Variants in NRXN3 observed in about 807,000 individuals in gnomAD.
NRXN3 encodes neurexin III.
NRXN3 carries 32 observed loss-of-function variants against 137.6 expected under a neutral mutation model. That is an observed-to-expected ratio of 0.23 (90% CI 0.18 to 0.31). NRXN3 has a LOEUF of 0.31. NRXN3 is among the 10% of genes least tolerant of loss of function. The pLI is 1.00. For missense variants in NRXN3, 1,574 were observed against 2,062.5 expected (o/e 0.76, Z 4.59); for synonymous variants, 798 against 784.5 (o/e 1.02, Z -0.29).
chr14:78,460,412 C>A (rs966199916), intron 4 of NRXN3, among the ~76,000 whole-genome samples: 1 of 152,194 alleles, frequency 6.6e-6, no homozygotes, highest in Non-Finnish European at 1.5e-5. Context: ...GTTTTTCTGG[C>A]CCCCATCTAG....
chr14:79,302,117 A>T (rs927659625), intron 15 of NRXN3, among the ~76,000 whole-genome samples: 1 of 151,996 alleles, frequency 6.6e-6, no homozygotes, highest in Non-Finnish European at 1.5e-5. Context: ...AACACCTCAC[A>T]TCCTGTGGGT....
At chr14:79,459,259 G>A (rs2096295311) in intron 15 of NRXN3, among the ~76,000 whole-genome samples, 1 of 152,056 alleles carries the variant, frequency 6.6e-6, no homozygotes, top group African/African-American at 2.4e-5. Flanking sequence ...AGATATTAAA[G>A]TCATAACCCT....
At chr14:78,275,575 A>T (rs1010976302) in intron 2 of NRXN3, among the ~76,000 whole-genome samples, 2 of 152,182 alleles carry the variant, frequency 1.3e-5, no homozygotes, top group Admixed American at 1.3e-4. Context: ...GGAATATGGC[A>T]GCTCTAGAGA....
chr14:78,544,919 A>G (rs1177159640), intron 4 of NRXN3, among the ~76,000 whole-genome samples: 2 of 152,200 alleles, frequency 1.3e-5, no homozygotes, highest in African/African-American at 4.8e-5. Context: ...GACAGCAGGG[A>G]GATTCTGGGA....
Position 79,616,507 on chromosome 14 carries a change from G to A in NRXN3, c.3445-47271G>A, listed in dbSNP as rs147612480. On this transcript the variant is annotated intron_variant, in intron 16 of 20. Transcript: ENST00000335750. ...AATGGAGAACAGGCTCAAGAAGGAA[G>A]AATTTAAAAATGGAATAAGGCAAGA... Among the ~76,000 whole-genome samples the A allele has an allele frequency of 1.5e-3, 231 of 152,118 alleles. 1 individual carries two copies. The highest frequency in any genetic ancestry group is 5.0e-3 in the African/African-American group (209 of 41,504).
At chr14:79,275,991 T>A (rs768316467) in intron 15 of NRXN3, among the ~76,000 whole-genome samples, 1 of 152,140 alleles carries the variant, frequency 6.6e-6, no homozygotes, top group Non-Finnish European at 1.5e-5. Context: ...ATCTTAAAAG[T>A]GGACTCTCAT....
At chr14:79,121,078 T>G (rs1453471115) in intron 15 of NRXN3, among the ~76,000 whole-genome samples, 1 of 152,202 alleles carries the variant, frequency 6.6e-6, no homozygotes, top group Non-Finnish European at 1.5e-5. Flanking sequence ...TCTAGGGGAA[T>G]ATGGGCCCAT....
At chr14:78,921,901 A>G (rs887233471) in intron 10 of NRXN3, among the ~76,000 whole-genome samples, 2 of 152,332 alleles carry the variant, frequency 1.3e-5, no homozygotes, top group Non-Finnish European at 2.9e-5. Context: ...AGAAATCTTA[A>G]CATTTCCTTA....
At chr14:78,268,284 TG>T (rs1300341394) in intron 2 of NRXN3, among the ~76,000 whole-genome samples, 10 of 148,790 alleles carry the variant, frequency 6.7e-5, no homozygotes, top group East Asian at 1.9e-4. Context: ...TGTTTTGTTT[TG>T]TTTTGTTTTC....
rs182616379 is a variant in NRXN3 at position 79,297,220 on chromosome 14, T to C, written c.3263-170001T>C. Among the ~76,000 whole-genome samples, 430 of 152,290 alleles carry C rather than the reference T, an allele frequency of 2.8e-3. 4 individuals are homozygous for C. The highest frequency in any genetic ancestry group is 3.4e-3 in the Middle Eastern group (1 of 294). ...TGTTGCTCATTTCACAATTCCTTTT[T>C]ATACATTTGGTTGTGAGATTATTTG... On this transcript the variant is annotated intron_variant, in intron 15 of 20. Coordinates refer to ENST00000335750, the MANE Select transcript of NRXN3 (RefSeq NM_001330195.2).
At chr14:78,815,947 T>C (rs2098931582) in intron 10 of NRXN3, among the ~76,000 whole-genome samples, 1 of 152,214 alleles carries the variant, frequency 6.6e-6, no homozygotes, top group Non-Finnish European at 1.5e-5. Context: ...AGCAAGAGCC[T>C]ATGTATCATA....
At position 79,092,746 on chromosome 14, in the gene NRXN3, G is replaced by A. The variant is rs139637013; in HGVS notation, c.3262+104605G>A. ...ATAGCTTGGTTTTATGGCTAAATGA[G>A]CCCCAGGAAGGAGTGTGAGAAACTC... On this transcript the variant is annotated intron_variant, in intron 15 of 20. Transcript: ENST00000335750. 4.7e-3 allele frequency among the ~76,000 whole-genome samples: 713 copies of A among 152,252 alleles called. 7 individuals carry two copies. Among genetic ancestry groups the A allele is most frequent in the African/African-American group, 0.016 (662 of 41,546 alleles).
chr14:79,289,165 T>C (rs2153456706), intron 15 of NRXN3, among the ~76,000 whole-genome samples: 1 of 152,224 alleles, frequency 6.6e-6, no homozygotes, highest in South Asian at 2.1e-4. Context: ...TGACTCTGAG[T>C]CCATTGCCTT....
At chr14:78,494,898 A>G (rs543115061) in intron 4 of NRXN3, among the ~76,000 whole-genome samples, 76 of 152,060 alleles carry the variant, frequency 5.0e-4, no homozygotes, top group African/African-American at 1.8e-3. Context: ...GTTTTTACCA[A>G]TTCTTTAACT....
At chr14:79,202,497 T>G (rs777317538) in intron 15 of NRXN3, among the ~76,000 whole-genome samples, 6 of 152,060 alleles carry the variant, frequency 3.9e-5, no homozygotes, top group Admixed American at 2.6e-4. Context: ...CAGTATACAC[T>G]GTACCATATT....
chr14:79,344,614 T>G (rs191631465), intron 15 of NRXN3, among the ~76,000 whole-genome samples: 1 of 152,336 alleles, frequency 6.6e-6, no homozygotes, highest in East Asian at 1.9e-4. Context: ...AAAACAATTA[T>G]ACATTGACTT....
chr14:78,470,586 T>C (rs913722764), intron 4 of NRXN3, among the ~76,000 whole-genome samples: 7 of 152,190 alleles, frequency 4.6e-5, no homozygotes, highest in African/African-American at 1.7e-4. Flanking sequence ...TTAATACATA[T>C]GGATTGTATT....
At chr14:79,320,659 A>T (rs2153270368) in intron 15 of NRXN3, among the ~76,000 whole-genome samples, 1 of 152,260 alleles carries the variant, frequency 6.6e-6, no homozygotes, top group Non-Finnish European at 1.5e-5. Flanking sequence ...TCTATCAGAG[A>T]AAAGAAAAAG....
At chr14:78,196,845 GGAAGCCTGC>G (rs760492247) in intron 1 of NRXN3, among the ~76,000 whole-genome samples, 1 of 152,200 alleles carries the variant, frequency 6.6e-6, no homozygotes, top group Non-Finnish European at 1.5e-5. Context: ...CGGATGAATT[GGAAGCCTGC>G]GATCAAGACA....
Sources: gnomAD v4.1 joint callset for allele counts (sites outside exome capture counted in the v4.1 genomes callset) on GRCh38, gnomAD v4.1.1 for gene constraint, MANE v1.5 for transcripts, NCBI Gene and HGNC (gene_info 2026-07-23, HGNC 2026-07-21) for gene names.